Variants in TMEM38B observed in about 807,000 individuals in gnomAD.
TMEM38B encodes trimeric intracellular cation channel type B.
TMEM38B carries 24 observed loss-of-function variants against 28.7 expected under a neutral mutation model. That is an observed-to-expected ratio of 0.84 (90% CI 0.61 to 1.18). The LOEUF is 1.18. Ranked by LOEUF, TMEM38B falls within the 50% of genes most tolerant of loss-of-function variation. The pLI is 0.00. For missense variants in TMEM38B, 380 were observed against 350.9 expected, an observed-to-expected ratio of 1.08 and a Z score of -0.66; for synonymous variants, 131 against 127.7, an observed-to-expected ratio of 1.03 and a Z score of -0.17.
intron 4 of TMEM38B, among the ~76,000 whole-genome samples, chr9:105,723,158 T>C (rs996462680): frequency 5.3e-5 from 8 of 152,158 alleles, no homozygotes; most frequent in African/African-American, 1.9e-4. Context: ...AAATAACCCA[T>C]TGTGTGATAC....
chr9:105,727,561 CA>C (rs1485344332), intron 4 of TMEM38B, among the ~76,000 whole-genome samples: 1 of 152,118 alleles, frequency 6.6e-6, no homozygotes, highest in African/African-American at 2.4e-5. Context: ...ACCTGAAGAC[CA>C]AAATGTTCCA....
At chr9:105,722,816 T>C (rs996679845) in intron 4 of TMEM38B, among the ~76,000 whole-genome samples, 195 bp downstream of exon 4, 1 of 152,202 alleles carries the variant, frequency 6.6e-6, no homozygotes, top group Non-Finnish European at 1.5e-5. Context: ...GTTTAAAATA[T>C]ATATTTTCCT....
intron 2 of TMEM38B, among the ~76,000 whole-genome samples, chr9:105,716,182 G>A (rs1836090717): frequency 6.6e-6 from 1 of 152,022 alleles, no homozygotes; most frequent in Admixed American, 6.6e-5. Flanking sequence ...CTCAGTGTGG[G>A]GAGCTCAGGC....
intron 2 of TMEM38B, among the ~76,000 whole-genome samples, chr9:105,718,760 T>A (rs1836206728): frequency 6.6e-6 from 1 of 151,856 alleles, no homozygotes; most frequent in Non-Finnish European, 1.5e-5. Context: ...ATTTTATAAT[T>A]TTTTAGTATG....
intron 5 of TMEM38B, among the ~76,000 whole-genome samples, chr9:105,773,055 T>C (rs1826608494): frequency 6.6e-6 from 1 of 152,170 alleles, no homozygotes; most frequent in Non-Finnish European, 1.5e-5. Flanking sequence ...GTTTAAGTCA[T>C]TATCTGTGTT....
At chr9:105,752,635 A>G (rs1837695727) in intron 5 of TMEM38B, among the ~76,000 whole-genome samples, 1 of 152,150 alleles carries the variant, frequency 6.6e-6, no homozygotes, top group Admixed American at 6.6e-5. Flanking sequence ...AACAACATAA[A>G]CAAAAAAGGC....
intron 5 of TMEM38B, among the ~76,000 whole-genome samples, chr9:105,762,586 CTCA>C: frequency 7.0e-6 from 1 of 142,952 alleles, no homozygotes; most frequent in African/African-American, 2.6e-5. Flanking sequence ...AGGACATGAA[CTCA>C]TCATTTTTTA....
chr9:105,765,824 C>T (rs184792026), intron 5 of TMEM38B, among the ~76,000 whole-genome samples: 35 of 151,428 alleles, frequency 2.3e-4, no homozygotes, highest in Admixed American at 6.6e-4. Flanking sequence ...TTTTTTGAGA[C>T]GGAGTCTTGC....
At chr9:105,754,140 C>T (rs772910251) in intron 5 of TMEM38B, among the ~76,000 whole-genome samples, 1 of 151,820 alleles carries the variant, frequency 6.6e-6, no homozygotes, top group African/African-American at 2.4e-5. Flanking sequence ...ATTCATAAAG[C>T]AAGTCCTTAG....
At chr9:105,770,349 G>T (rs1402199613) in intron 5 of TMEM38B, among the ~76,000 whole-genome samples, 3 of 152,004 alleles carry the variant, frequency 2.0e-5, no homozygotes, top group African/African-American at 7.2e-5. Context: ...GTATATAGTT[G>T]ATTTTTAATA....
intron 5 of TMEM38B, among the ~76,000 whole-genome samples, 185 bp from the exon 6 acceptor site, chr9:105,773,680 A>G (rs1403738085): frequency 6.6e-6 from 1 of 152,048 alleles, no homozygotes; most frequent in East Asian, 1.9e-4. Flanking sequence ...ATTTTTAATG[A>G]GTTGTGTTAT....
chr9:105,712,346 A>G (rs1588401806), intron 2 of TMEM38B, among the ~76,000 whole-genome samples: 1 of 152,202 alleles, frequency 6.6e-6, no homozygotes, highest in East Asian at 1.9e-4. Flanking sequence ...AGTCATGCCT[A>G]TTCAAAAATT....
chr9:105,752,708 G>A (rs1837698940), intron 5 of TMEM38B, among the ~76,000 whole-genome samples: 1 of 152,204 alleles, frequency 6.6e-6, no homozygotes, highest in Non-Finnish European at 1.5e-5. Flanking sequence ...AGCCCACAAA[G>A]ATGAGAAAGA....
At chr9:105,742,065 A>G (rs1356207126) in intron 4 of TMEM38B, among the ~76,000 whole-genome samples, 2 of 152,256 alleles carry the variant, frequency 1.3e-5, no homozygotes, top group Non-Finnish European at 2.9e-5. Flanking sequence ...ATTTGGAAAT[A>G]TTAAATCAGA....
chr9:105,712,135 G>C (rs1835929105), intron 2 of TMEM38B, among the ~76,000 whole-genome samples: 1 of 152,060 alleles, frequency 6.6e-6, no homozygotes, highest in African/African-American at 2.4e-5. Flanking sequence ...GGCTGGTCTC[G>C]AATTCCTGAG....
At chr9:105,738,778 C>T (rs573797220) in intron 4 of TMEM38B, among the ~76,000 whole-genome samples, 376 of 139,320 alleles carry the variant, frequency 2.7e-3, no homozygotes, top group African/African-American at 1.0e-2. Flanking sequence ...AGTGCAGTGG[C>T]GCTGTCACAG....
At chr9:105,763,835 A>T (rs1315134355) in intron 5 of TMEM38B, among the ~76,000 whole-genome samples, 1 of 151,406 alleles carries the variant, frequency 6.6e-6, no homozygotes, top group African/African-American at 2.4e-5. Flanking sequence ...ATCCTCAGTA[A>T]AATACTGGCA....
chr9:105,765,033 A>G (rs1311262325), intron 5 of TMEM38B, among the ~76,000 whole-genome samples: 1 of 152,258 alleles, frequency 6.6e-6, no homozygotes, highest in African/African-American at 2.4e-5. Flanking sequence ...AGCCATATGT[A>G]GAAAGCTGAA....
intron 2 of TMEM38B, among the ~76,000 whole-genome samples, chr9:105,718,656 G>A (rs1836200328): frequency 6.6e-6 from 1 of 152,146 alleles, no homozygotes; most frequent in Non-Finnish European, 1.5e-5. Context: ...ACCATCTACT[G>A]GCAAAGAGAA....
Sources: allele counts gnomAD v4.1 joint callset (sites outside exome capture counted in the v4.1 genomes callset), GRCh38; gene constraint gnomAD v4.1.1; transcripts MANE v1.5; gene names NCBI Gene and HGNC (gene_info 2026-07-23, HGNC 2026-07-21).